The following DLGAP1 variants were observed in gnomAD, a reference collection of about 807,000 sequenced individuals.
DLGAP1 encodes disks large-associated protein 1.
Under a neutral mutation model 90.8 loss-of-function variants are expected in DLGAP1, and 11 were observed. That is an observed-to-expected ratio of 0.12 (90% CI 0.08 to 0.20). The LOEUF (loss-of-function observed/expected upper bound fraction) is 0.20, where lower values mean the gene tolerates loss of function less well. DLGAP1 is among the 10% of genes least tolerant of loss of function. The pLI, the probability that DLGAP1 is intolerant of heterozygous loss-of-function variation, is 1.00. For synonymous variants in DLGAP1, 558 were observed against 540.7 expected (o/e 1.03, Z -0.44); for missense variants, 1,050 against 1,333.8 (o/e 0.79, Z 3.31).
chr18:4,369,675 G>A (rs937734505), intron 1 of DLGAP1, among the ~76,000 whole-genome samples: 1 of 151,764 alleles, frequency 6.6e-6, no homozygotes, highest in African/African-American at 2.4e-5. Context: ...GGAATAAAGA[G>A]GACAGAAATT....
chr18:3,977,776 G>C, intron 3 of DLGAP1: 1 of 367,172 alleles, frequency 2.7e-6, no homozygotes, highest in Non-Finnish European at 5.2e-6. Context: ...GAAGGTGGAA[G>C]AGTGGGTGAT....
At chr18:4,079,287 TCACACACACACACACACACA>T (rs6146196) in intron 2 of DLGAP1, among the ~76,000 whole-genome samples, 69 of 142,604 alleles carry the variant, frequency 4.8e-4, no homozygotes, top group Admixed American at 1.4e-3. Context: ...AAAGAAAATG[TCACACACACACACACACACA>T]CACACACACA....
At chr18:3,826,682 A>G (rs375052364) in intron 4 of DLGAP1, among the ~76,000 whole-genome samples, 1 of 152,182 alleles carries the variant, frequency 6.6e-6, no homozygotes, top group Non-Finnish European at 1.5e-5. Flanking sequence ...GAGGCTTTAC[A>G]GGCTGTGGTA....
chr18:4,381,028 A>G (rs1043553992), intron 1 of DLGAP1, among the ~76,000 whole-genome samples: 1 of 152,150 alleles, frequency 6.6e-6, no homozygotes, highest in Non-Finnish European at 1.5e-5. Context: ...TTTATTTCCA[A>G]CCAACCATCA....
chr18:3,652,452 C>A (rs958385350), intron 7 of DLGAP1, among the ~76,000 whole-genome samples: 2 of 152,170 alleles, frequency 1.3e-5, no homozygotes, highest in Non-Finnish European at 2.9e-5. Context: ...TTCAGACTCC[C>A]AAGTAGCTAG....
chr18:4,455,072 G>A lies in DLGAP1; in HGVS notation c.-333C>T, dbSNP rs2144946630. The stretch of plus-strand genomic sequence containing the variant: ...TCCGTTGGTCCCACGAGCCTCGGAG[G>A]AAGGAGAGAGATGTCCCCGCGACCA... On this transcript the variant is annotated 5_prime_UTR_variant, in exon 1 of 13. Coordinates refer to ENST00000315677, the MANE Select transcript of DLGAP1 (RefSeq NM_004746.4). 3 of 146,866 alleles carry A rather than the reference G, an allele frequency of 2.0e-5. No individual in the cohort carries two copies. The Middle Eastern group carries it at 0.01, about 506-fold the overall frequency. The allele number at this position is 146,866 out of a possible 1,614,324, so 9.1% of individuals were successfully genotyped here.
At chr18:3,639,920 A>G (rs7229023) in intron 7 of DLGAP1, among the ~76,000 whole-genome samples, 40,412 of 134,726 alleles carry the variant, frequency 0.3, 8,740 homozygotes, top group African/African-American at 0.57. Context: ...ACACCCGGCT[A>G]ATTTTTTGTA....
chr18:3,845,394 G>A (rs951468842), intron 4 of DLGAP1: 4 of 1,414,940 alleles, frequency 2.8e-6, no homozygotes, highest in Non-Finnish European at 3.7e-6. Flanking sequence ...ACTTGGGGGT[G>A]GGGGGAGAGT....
intron 7 of DLGAP1, among the ~76,000 whole-genome samples, chr18:3,606,153 A>T (rs1319679318): frequency 6.6e-6 from 1 of 152,212 alleles, no homozygotes; most frequent in Admixed American, 6.5e-5. Context: ...CACAGTGTGC[A>T]GACAAAACTA....
intron 1 of DLGAP1, among the ~76,000 whole-genome samples, chr18:4,213,996 T>G (rs1464194650): frequency 6.6e-6 from 1 of 152,114 alleles, no homozygotes; most frequent in Non-Finnish European, 1.5e-5. Flanking sequence ...CCGAGAAATT[T>G]CAGTGGACAC....
chr18:4,086,487 A>G (rs1053839596), intron 2 of DLGAP1, among the ~76,000 whole-genome samples: 1 of 152,168 alleles, frequency 6.6e-6, no homozygotes, highest in Admixed American at 6.5e-5. Context: ...GTCTCCCACA[A>G]GTTTCGATAT....
chr18:3,590,710 C>G (rs943549375), intron 7 of DLGAP1, among the ~76,000 whole-genome samples: 2 of 151,958 alleles, frequency 1.3e-5, no homozygotes, highest in Non-Finnish European at 2.9e-5. Context: ...CAAAAATTAG[C>G]CGGGGGTGGT....
At chr18:4,347,981 A>T (rs1020889267) in intron 1 of DLGAP1, among the ~76,000 whole-genome samples, 2 of 152,164 alleles carry the variant, frequency 1.3e-5, no homozygotes, top group Admixed American at 6.6e-5. Context: ...TGAAATTAAT[A>T]TTCATAAATT....
At chr18:4,330,724 A>G (rs2080929723) in intron 1 of DLGAP1, among the ~76,000 whole-genome samples, 1 of 151,824 alleles carries the variant, frequency 6.6e-6, no homozygotes, top group South Asian at 2.1e-4. Flanking sequence ...GTGGTCAGAG[A>G]TTATACTTCA....
At chr18:3,640,655 A>G (rs2058904818) in intron 7 of DLGAP1, among the ~76,000 whole-genome samples, 1 of 152,206 alleles carries the variant, frequency 6.6e-6, no homozygotes, top group African/African-American at 2.4e-5. Flanking sequence ...CTTGCAAATG[A>G]AAGATGTTTC....
chr18:4,193,730 G>C (rs778018122), intron 1 of DLGAP1, among the ~76,000 whole-genome samples: 1 of 152,134 alleles, frequency 6.6e-6, no homozygotes, highest in Non-Finnish European at 1.5e-5. Context: ...ATGAACTTGA[G>C]AAGGGAAATC....
chr18:4,249,062 A>T (rs775962106), intron 1 of DLGAP1, among the ~76,000 whole-genome samples: 1 of 150,278 alleles, frequency 6.7e-6, no homozygotes, highest in Non-Finnish European at 1.5e-5. Context: ...TGTACCCTTC[A>T]CTCCCCTATT....
At chr18:3,744,208 G>C (rs1377026903) in intron 5 of DLGAP1, among the ~76,000 whole-genome samples, 1 of 152,124 alleles carries the variant, frequency 6.6e-6, no homozygotes, top group Non-Finnish European at 1.5e-5. Flanking sequence ...TCAATTATCT[G>C]TAAAGTAAGA....
chr18:3,640,275 A>G (rs2058890668), intron 7 of DLGAP1, among the ~76,000 whole-genome samples: 1 of 152,092 alleles, frequency 6.6e-6, no homozygotes, highest in Non-Finnish European at 1.5e-5. Context: ...TTCTCTTCTC[A>G]CTCCAGACTA....
Sources: allele counts gnomAD v4.1 joint callset (sites outside exome capture counted in the v4.1 genomes callset), GRCh38; gene constraint gnomAD v4.1.1; transcripts MANE v1.5; gene names NCBI Gene and HGNC (gene_info 2026-07-23, HGNC 2026-07-21).